MACF1: variants seen among roughly 807,000 people sequenced by gnomAD.
MACF1 encodes the protein microtubule-actin cross-linking factor 1.
MACF1 carries 193 observed loss-of-function variants against 854.8 expected under a neutral mutation model. The observed-to-expected ratio is 0.23, with a 90% CI of 0.20 to 0.25. MACF1 has a LOEUF of 0.25. Ranked by LOEUF, MACF1 falls within the 10% of genes least tolerant of loss-of-function variation. MACF1 has a pLI of 1.00. For missense variants in MACF1, 7,722 were observed against 8,929.1 expected, an observed-to-expected ratio of 0.86 and a Z score of 5.45; for synonymous variants, 3,185 against 3,226.7, an observed-to-expected ratio of 0.99 and a Z score of 0.44.
chr1:39,180,403 G>A (rs753675759), intron 2 of MACF1, among the ~76,000 whole-genome samples: 2 of 152,050 alleles, frequency 1.3e-5, no homozygotes, highest in African/African-American at 2.4e-5. Context: ...ATCACTTGGG[G>A]TCAGGAGTTC....
intron 2 of MACF1, among the ~76,000 whole-genome samples, chr1:39,124,934 T>C (rs540729226): frequency 1.1e-4 from 17 of 152,324 alleles, no homozygotes; most frequent in African/African-American, 4.1e-4. Flanking sequence ...TGTGCTCTAT[T>C]TTCATGTATT....
At chr1:39,331,171 C>G in intron 36 of MACF1, 32 bp from the exon 37 acceptor site, 2 of 1,363,144 alleles carry the variant, frequency 1.5e-6, no homozygotes, top group South Asian at 1.5e-5. Context: ...CTTCTCTTTT[C>G]CTTTTTTTTT....
intron 2 of MACF1, among the ~76,000 whole-genome samples, chr1:39,100,302 G>A (rs1174446787): frequency 6.6e-6 from 1 of 152,198 alleles, no homozygotes; most frequent in South Asian, 2.1e-4. Context: ...AGTAGGTGGA[G>A]TTGGGGGATG....
Position 39,335,559 on chromosome 1 carries a change from C to T in MACF1, c.8971C>T (p.Pro2991Ser), listed in dbSNP as rs761759888. Residue 2991 changes from proline (P) to serine (S), a missense_variant, in exon 37 of 101, where the codon CCA becomes TCA. Pro to Ser is a moderately conservative substitution (Grantham distance 74). Transcript: ENST00000564288. ...IVEESIRTCK[P>S]AFLSEEKLYQ... Reference sequence around the variant, plus strand: ...AGAAGAAAGTATCAGAACATGCAAACCAGCATTTCTTTCTGAAGAAAAGTT... The same window carrying T: ...AGAAGAAAGTATCAGAACATGCAAATCAGCATTTCTTTCTGAAGAAAAGTT... 16 of 1,614,088 alleles carry T rather than the reference C, an allele frequency of 9.9e-6. No individual in the cohort carries two copies. The South Asian group carries it at 1.4e-4, about 14-fold the overall frequency.
At chr1:39,120,177 C>CGG (rs1390100612) in intron 2 of MACF1, among the ~76,000 whole-genome samples, 5 of 151,952 alleles carry the variant, frequency 3.3e-5, no homozygotes, top group African/African-American at 1.2e-4. Context: ...AGCCACCGCA[C>CGG]CTGGCCAATA....
chr1:39,428,356 TC>T, intron 63 of MACF1, 69 bp downstream of exon 63: 1 of 1,407,602 alleles, frequency 7.1e-7, no homozygotes, highest in Non-Finnish European at 9.5e-7. Flanking sequence ...ATGTTTCTCT[TC>T]ATTTATTTTT....
chr1:39,317,445 C>T, intron 29 of MACF1, 38 bp downstream of exon 29: 1 of 1,596,930 alleles, frequency 6.3e-7, no homozygotes, highest in East Asian at 2.2e-5. Flanking sequence ...TATTAGAGTT[C>T]AGGGACTAGG....
rs775216448 is a variant in MACF1, at chr1:39,424,095, T to G, written c.16217T>G (p.Ile5406Arg). The change falls in exon 61 of 101, where the codon ATA becomes AGA. Residue 5406 changes from isoleucine to arginine, a missense_variant. This residue lies in a region of MACF1 where 2,807 missense variants were observed against 3,235.8 expected (regional missense o/e 0.87). Transcript: ENST00000564288. ...VDMLQAEGGR[I>R]AQSAELADRE... is the part of the protein sequence containing the mutation. ...ATGCTTCAAGCAGAAGGAGGCAGAATAGCCCAGTCAGCAGAGCTGGCTGAT... is the reference window on the plus strand; with the variant it reads ...ATGCTTCAAGCAGAAGGAGGCAGAAGAGCCCAGTCAGCAGAGCTGGCTGAT... 1 of 1,612,092 alleles carries G rather than the reference T, an allele frequency of 6.2e-7. No homozygotes were observed. The highest frequency in any genetic ancestry group is 1.7e-5 in the Admixed American group (1 of 59,644).
intron 31 of MACF1, 58 bp downstream of exon 31, chr1:39,319,805 A>G: frequency 8.2e-7 from 1 of 1,216,302 alleles, no homozygotes. Flanking sequence ...GAAAACCTAC[A>G]TCTTCACTGT....
At chr1:39,365,080 T>A (rs1557611857) in intron 49 of MACF1, among the ~76,000 whole-genome samples, 1 of 151,562 alleles carries the variant, frequency 6.6e-6, no homozygotes, top group East Asian at 1.9e-4. Flanking sequence ...AATCTGAAAC[T>A]TTTTTTTTCT....
intron 15 of MACF1, among the ~76,000 whole-genome samples, chr1:39,288,437 G>A (rs1012864188): frequency 4.0e-5 from 6 of 151,564 alleles, no homozygotes; most frequent in African/African-American, 1.5e-4. Context: ...AGTGAAGCTT[G>A]CAGTGAGCTG....
intron 60 of MACF1, among the ~76,000 whole-genome samples, chr1:39,423,279 T>A (rs1006138473): frequency 1.8e-4 from 27 of 152,182 alleles, no homozygotes; most frequent in African/African-American, 6.5e-4. Context: ...TTAAAAAAAA[T>A]TTATCCCAAA....
intron 31 of MACF1, among the ~76,000 whole-genome samples, chr1:39,321,113 T>C (rs906405626): frequency 6.6e-6 from 1 of 152,258 alleles, no homozygotes; most frequent in Non-Finnish European, 1.5e-5. Flanking sequence ...CAATGGCAAG[T>C]ACATAGAAGA....
chr1:39,398,799 C>T (rs1341934589), intron 58 of MACF1, among the ~76,000 whole-genome samples: 1 of 152,184 alleles, frequency 6.6e-6, no homozygotes, highest in East Asian at 1.9e-4. Flanking sequence ...AGTCCCCACC[C>T]CACACTGCCA....
chr1:39,318,783 T>G (rs1042715295), intron 30 of MACF1, among the ~76,000 whole-genome samples, 168 bp downstream of exon 30: 1 of 152,208 alleles, frequency 6.6e-6, no homozygotes, highest in African/African-American at 2.4e-5. Context: ...GGTTTTGCAT[T>G]TAGACTAGAG....
rs1229637732 is a variant in MACF1 at position 39,469,712 on chromosome 1, C to T, written c.21958+97C>T. On this transcript the variant is annotated intron_variant, in intron 97 of 100. Coordinates refer to ENST00000564288, the MANE Select transcript of MACF1 (RefSeq NM_001394062.1). ...AACATCTCTTGGTTCTGTGTATCTG[C>T]TGCATTCATGAATGCTTGAAATGGC... is the stretch of plus-strand genomic sequence containing the variant. 6 of 970,850 alleles carry T rather than the reference C, an allele frequency of 6.2e-6. No individual in the cohort carries two copies. In the Admixed American group the frequency reaches 1.2e-4, roughly 20 times the overall value. 60.1% of individuals were successfully genotyped at this position (970,850 alleles called of 1,614,324 possible).
At chr1:39,137,745 T>A (rs111520806) in intron 2 of MACF1, among the ~76,000 whole-genome samples, 4,677 of 152,246 alleles carry the variant, frequency 0.031, 116 homozygotes, top group Middle Eastern at 0.078. Context: ...TATTGCATTA[T>A]CTCATTCAAC....
At chr1:39,201,027 A>G (rs193228423), upstream of MACF1, among the ~76,000 whole-genome samples, 337 of 152,322 alleles carry the variant, frequency 2.2e-3, 4 homozygotes, top group Admixed American at 0.02. Flanking sequence ...ACAGCCACCA[A>G]TGAATCCCAA....
At chr1:39,233,051 T>G (rs1169174343) in intron 2 of MACF1, among the ~76,000 whole-genome samples, 1 of 135,418 alleles carries the variant, frequency 7.4e-6, no homozygotes, top group African/African-American at 2.7e-5. Context: ...TTTTGTTTTT[T>G]GAGATGGAGT....
Sources: gnomAD v4.1 joint callset for allele counts (sites outside exome capture counted in the v4.1 genomes callset) on GRCh38, gnomAD v4.1.1 for gene constraint, gnomAD v4.1.1 regional missense constraint, MANE v1.5 for transcripts, NCBI Gene and HGNC (gene_info 2026-07-23, HGNC 2026-07-21) for gene names.